The following CSMD1 variants were observed in gnomAD, a reference collection of about 807,000 sequenced individuals.
CSMD1 encodes CUB and sushi domain-containing protein 1.
A neutral mutation model predicts 417.5 loss-of-function variants in CSMD1; 213 were observed. That is an observed-to-expected ratio of 0.51 (90% CI 0.46 to 0.57). CSMD1 has a LOEUF of 0.57. Ranked by LOEUF, CSMD1 falls within the 20% of genes least tolerant of loss-of-function variation. The pLI, the probability that CSMD1 is intolerant of heterozygous loss-of-function variation, is 0.00. For synonymous variants in CSMD1, 2,862 were observed against 1,736.8 expected, an observed-to-expected ratio of 1.65 and a Z score of -16.11; for missense variants, 6,923 against 4,529.7, an observed-to-expected ratio of 1.53 and a Z score of -15.17.
At chr8:3,986,124 G>C (rs1313934608) in intron 5 of CSMD1, among the ~76,000 whole-genome samples, 3 of 151,982 alleles carry the variant, frequency 2.0e-5, no homozygotes, top group African/African-American at 7.3e-5. Flanking sequence ...CAGATGAACA[G>C]GATTTCTCAA....
intron 11 of CSMD1, among the ~76,000 whole-genome samples, chr8:3,490,670 G>A (rs1818321270): frequency 6.6e-6 from 1 of 152,088 alleles, no homozygotes; most frequent in African/African-American, 2.4e-5. Flanking sequence ...ACTTCCCTCA[G>A]GGTCATGGGG....
intron 3 of CSMD1, among the ~76,000 whole-genome samples, chr8:4,336,846 GATTT>G (rs960297138): frequency 6.6e-6 from 1 of 152,058 alleles, no homozygotes; most frequent in Non-Finnish European, 1.5e-5. Flanking sequence ...ATGGGGTTGA[GATTT>G]ATTTCCAATA....
chr8:3,057,833 T>C lies in CSMD1; in HGVS notation c.7475-5186A>G, dbSNP rs539521131. ...TCTATCAGATTAGTCTTCACTGAAG[T>C]TTTCATAATTTCATTTTCAGTTTAA... On this transcript the variant is annotated intron_variant, in intron 49 of 69. Transcript: ENST00000635120. Among the ~76,000 whole-genome samples the C allele has an allele frequency of 6.6e-5, 10 of 152,268 alleles. No individual in the cohort carries two copies. In the South Asian group the frequency reaches 2.1e-3, roughly 32 times the overall value.
intron 1 of CSMD1, among the ~76,000 whole-genome samples, chr8:4,835,195 G>C (rs748467296): frequency 6.6e-6 from 1 of 151,936 alleles, no homozygotes; most frequent in East Asian, 1.9e-4. Context: ...CAATCAAGAG[G>C]TATTTATTTA....
intron 3 of CSMD1, among the ~76,000 whole-genome samples, chr8:4,204,813 C>T (rs1320564565): frequency 6.7e-6 from 1 of 148,176 alleles, no homozygotes; most frequent in Admixed American, 6.7e-5. Flanking sequence ...GGTCAGCACA[C>T]ACAGCTAACT....
At chr8:4,531,987 G>A (rs1003046044) in intron 2 of CSMD1, among the ~76,000 whole-genome samples, 2 of 144,484 alleles carry the variant, frequency 1.4e-5, no homozygotes, top group Non-Finnish European at 3.0e-5. Flanking sequence ...CTCCGAAAGA[G>A]AAATCCTGCA....
intron 5 of CSMD1, among the ~76,000 whole-genome samples, chr8:3,909,035 G>A (rs1808287267): frequency 6.6e-6 from 1 of 152,130 alleles, no homozygotes; most frequent in African/African-American, 2.4e-5. Context: ...TTTTCACATT[G>A]TGGGTGAAAT....
rs148736495 is a variant in CSMD1 at position 3,435,981 on chromosome 8, T to G, written c.1562-26376A>C. 8.3e-3 allele frequency among the ~76,000 whole-genome samples: 1,258 copies of G among 152,266 alleles called. 21 individuals carry two copies. Among genetic ancestry groups the G allele is most frequent in the African/African-American group, 0.029 (1,185 of 41,540 alleles). The stretch of plus-strand genomic sequence containing the variant: ...TGCCATTTCACTTTGCAACTTTGTA[T>G]TTGCAAATGCTCTCTTCTGGGACAC... On this transcript the variant is annotated intron_variant, in intron 12 of 69. Transcript: ENST00000635120.
intron 23 of CSMD1, among the ~76,000 whole-genome samples, chr8:3,318,691 G>T (rs1021354719): frequency 6.6e-6 from 1 of 152,168 alleles, no homozygotes; most frequent in Non-Finnish European, 1.5e-5. Flanking sequence ...GAGTAAGAAA[G>T]CATTTGCTTT....
At chr8:4,628,878 G>C (rs991000019) in intron 2 of CSMD1, among the ~76,000 whole-genome samples, 3 of 152,058 alleles carry the variant, frequency 2.0e-5, no homozygotes, top group African/African-American at 7.2e-5. Flanking sequence ...TTTATTATGA[G>C]TTTTTACACG....
chr8:4,920,687 G>C (rs1219167987), intron 1 of CSMD1, among the ~76,000 whole-genome samples: 1 of 151,828 alleles, frequency 6.6e-6, no homozygotes, highest in Non-Finnish European at 1.5e-5. Flanking sequence ...CCATGCGTGG[G>C]TGGTGCATGT....
chr8:4,367,824 T>A (rs1045673139), intron 3 of CSMD1, among the ~76,000 whole-genome samples: 4 of 152,168 alleles, frequency 2.6e-5, no homozygotes, highest in African/African-American at 9.6e-5. Flanking sequence ...GTGCTATTTT[T>A]AAATAGGATT....
chr8:3,136,912 T>A (rs1420003294), intron 41 of CSMD1, among the ~76,000 whole-genome samples: 1 of 148,902 alleles, frequency 6.7e-6, no homozygotes, highest in African/African-American at 2.4e-5. Flanking sequence ...AAAATTTTTT[T>A]CTATGTAATA....
At chr8:3,695,003 A>C (rs1800467542) in intron 7 of CSMD1, among the ~76,000 whole-genome samples, 1 of 152,022 alleles carries the variant, frequency 6.6e-6, no homozygotes, top group Non-Finnish European at 1.5e-5. Flanking sequence ...GATGATTAGG[A>C]CATTAGACGA....
At chr8:3,740,508 T>C (rs901318888) in intron 6 of CSMD1, among the ~76,000 whole-genome samples, 1 of 152,038 alleles carries the variant, frequency 6.6e-6, no homozygotes, top group African/African-American at 2.4e-5. Flanking sequence ...CAGAGGAGGG[T>C]TCACCGATGG....
chr8:4,017,346 C>T (rs1488984964), intron 4 of CSMD1, among the ~76,000 whole-genome samples: 1 of 152,138 alleles, frequency 6.6e-6, no homozygotes, highest in African/African-American at 2.4e-5. Context: ...GCTCTTGTTG[C>T]CCAGGCTGGA....
In CSMD1 at chr8:4,967,996, C is replaced by G. The variant is rs183032308; in HGVS notation, c.85+26336G>C. Among the ~76,000 whole-genome samples, 6 of 152,054 alleles carry G rather than the reference C, an allele frequency of 3.9e-5. No homozygotes were observed. In the East Asian group the frequency reaches 1.2e-3, roughly 29 times the overall value. On this transcript the variant is annotated intron_variant, in intron 1 of 69. Coordinates refer to ENST00000635120, the MANE Select transcript of CSMD1 (RefSeq NM_033225.6). ...GGTAGATATAACATGGTCAGAGATT[C>G]AAATTGGCATCATTTTATATAATTG...
At chr8:4,801,575 T>C (rs1398056902) in intron 1 of CSMD1, among the ~76,000 whole-genome samples, 1 of 152,124 alleles carries the variant, frequency 6.6e-6, no homozygotes, top group Non-Finnish European at 1.5e-5. Flanking sequence ...CTTTTGCATA[T>C]CTCAATCATC....
At chr8:4,944,312 G>A (rs1280968033) in intron 1 of CSMD1, among the ~76,000 whole-genome samples, 1 of 152,192 alleles carries the variant, frequency 6.6e-6, no homozygotes, top group Admixed American at 6.5e-5. Context: ...AGTTTACAGA[G>A]CAGACCAAGA....
Sources: allele counts gnomAD v4.1 joint callset (sites outside exome capture counted in the v4.1 genomes callset), GRCh38; gene constraint gnomAD v4.1.1; transcripts MANE v1.5; gene names NCBI Gene and HGNC (gene_info 2026-07-23, HGNC 2026-07-21).